The following EYA2 variants were observed in gnomAD, a reference collection of about 807,000 sequenced individuals.
EYA2 encodes protein phosphatase EYA2.
Under a neutral mutation model 69.2 loss-of-function variants are expected in EYA2, and 31 were observed. The observed-to-expected ratio is 0.45, with a 90% confidence interval of 0.34 to 0.60. EYA2 has a LOEUF of 0.60. Ranked by LOEUF, EYA2 falls within the 20% of genes least tolerant of loss-of-function variation. EYA2 has a pLI of 0.02. For missense variants in EYA2, 622 were observed against 701.2 expected (o/e 0.89, Z 1.28); for synonymous variants, 257 against 279.4 (o/e 0.92, Z 0.80).
In EYA2 at chr20:47,026,711, T is replaced by C. The variant is rs114782737; in HGVS notation, c.415+10414T>C. The stretch of plus-strand genomic sequence containing the variant: ...ATGTAAAAGAGAGACATGAGCTAGA[T>C]ATAGGGTTATAGGGAGTGGTGGGAA... On this transcript the variant is annotated intron_variant, in intron 5 of 15. Transcript: ENST00000327619. Among the ~76,000 whole-genome samples, 561 of 152,298 alleles carry C rather than the reference T, an allele frequency of 3.7e-3. 6 individuals carry two copies. Among genetic ancestry groups the C allele is most frequent in the African/African-American group, 0.013 (536 of 41,558 alleles).
chr20:46,923,892 T>A (rs1600547659), intron 1 of EYA2, among the ~76,000 whole-genome samples: 1 of 152,220 alleles, frequency 6.6e-6, no homozygotes, highest in Non-Finnish European at 1.5e-5. Context: ...TGATTTTTTT[T>A]AAATCTCATT....
intron 1 of EYA2, among the ~76,000 whole-genome samples, chr20:46,947,770 C>T (rs1488011048): frequency 6.6e-6 from 1 of 152,068 alleles, no homozygotes; most frequent in Non-Finnish European, 1.5e-5. Flanking sequence ...GAAGTGCAGC[C>T]CTACTGTGGA....
chr20:47,113,863 T>G (rs1046717871), intron 9 of EYA2, among the ~76,000 whole-genome samples: 1 of 151,876 alleles, frequency 6.6e-6, no homozygotes, highest in Non-Finnish European at 1.5e-5. Flanking sequence ...TGGGTTTTTT[T>G]TTTTTGTGGA....
chr20:47,065,581 A>G (rs929172335), intron 5 of EYA2, among the ~76,000 whole-genome samples: 3 of 152,258 alleles, frequency 2.0e-5, no homozygotes, highest in Non-Finnish European at 4.4e-5. Flanking sequence ...GTTTAAAGCA[A>G]TTTAAATTTG....
intron 1 of EYA2, among the ~76,000 whole-genome samples, chr20:46,980,007 G>A (rs1269548864): frequency 6.6e-6 from 1 of 152,164 alleles, no homozygotes; most frequent in Non-Finnish European, 1.5e-5. Context: ...TGAACCCCTG[G>A]AGCAGATAAC....
rs1555809797 is a variant in EYA2, at chr20:46,987,964, C to CTCTCTCTCTCTATATA, written c.-10-2036_-10-2035insCTCTCTCTCTATATAT. Among the ~76,000 whole-genome samples the CTCTCTCTCTCTATATA allele has an allele frequency of 8.9e-4, 10 of 11,274 alleles. 1 individual carries two copies. The highest frequency in any genetic ancestry group is 1.1e-3 in the African/African-American group (4 of 3,636). 7.4% of individuals were successfully genotyped at this position (11,274 alleles called of 152,430 possible). On this transcript the variant is annotated intron_variant, in intron 1 of 15. Transcript: ENST00000327619. ...TCTCTCTCTCTCTCTCTCTCTCTCT[C>CTCTCTCTCTCTATATA]TATATATATATATATATATATATAT...
At chr20:46,996,607 TCTCA>T (rs1364784781) in intron 2 of EYA2, among the ~76,000 whole-genome samples, 2 of 152,166 alleles carry the variant, frequency 1.3e-5, no homozygotes, top group Non-Finnish European at 2.9e-5. Context: ...TTGTCATCCA[TCTCA>T]CTCACTAGAC....
At chr20:47,177,898 C>T (rs1046264568) in intron 12 of EYA2, among the ~76,000 whole-genome samples, 1 of 152,244 alleles carries the variant, frequency 6.6e-6, no homozygotes, top group East Asian at 1.9e-4. Context: ...AACACATCGT[C>T]ACACAGATAC....
chr20:47,087,871 A>G (rs1253841777), intron 7 of EYA2, among the ~76,000 whole-genome samples: 6 of 152,242 alleles, frequency 3.9e-5, no homozygotes, highest in African/African-American at 7.2e-5. Flanking sequence ...TCTCGCCTAT[A>G]TAATCTCATT....
rs2032535558 is a variant in EYA2, at chr20:47,105,038, A to G, written c.888+7870A>G. 2.6e-5 allele frequency among the ~76,000 whole-genome samples: 4 copies of G among 152,206 alleles called. No homozygotes were observed. The South Asian group carries it at 8.3e-4, about 32-fold the overall frequency. On this transcript the variant is annotated intron_variant, in intron 9 of 15. Transcript: ENST00000327619. ...TCTATCTCAAAAATTTTTTTAAAAA[A>G]TCAATTGGCCGTAAATATGTTTATT...
intron 4 of EYA2, among the ~76,000 whole-genome samples, 187 bp downstream of exon 4, chr20:47,005,271 T>G (rs1431499708): frequency 6.6e-6 from 1 of 152,248 alleles, no homozygotes; most frequent in African/African-American, 2.4e-5. Flanking sequence ...TCAAGATCCC[T>G]TTTGATGGCA....
intron 9 of EYA2, among the ~76,000 whole-genome samples, chr20:47,124,187 C>T (rs2033121813): frequency 6.6e-6 from 1 of 152,154 alleles, no homozygotes; most frequent in South Asian, 2.1e-4. Flanking sequence ...TGGTGAGGTC[C>T]TGCTCATTTT....
chr20:47,158,635 A>G (rs1236725289), intron 10 of EYA2, among the ~76,000 whole-genome samples: 1 of 151,988 alleles, frequency 6.6e-6, no homozygotes, highest in African/African-American at 2.4e-5. Flanking sequence ...TGCAAGAAAA[A>G]GGAACCAGAG....
At chr20:46,976,156 T>G (rs147040204) in intron 1 of EYA2, among the ~76,000 whole-genome samples, 18 of 151,948 alleles carry the variant, frequency 1.2e-4, no homozygotes, top group East Asian at 5.8e-4. Context: ...AACCCAGGAG[T>G]TGGAGACCAG....
Position 47,166,393 on chromosome 20 carries a change from T to TTAAAAAAAAAAAA in EYA2, c.979-2746_979-2745insTAAAAAAAAAAAA, listed in dbSNP as rs1555806208. ...GCTTGGGTGACAGAGCAAGACTGTCTAAAAAAAAAAAAAAAAAAAAAAAAA... is the reference window on the plus strand; with the variant it reads ...GCTTGGGTGACAGAGCAAGACTGTCTTAAAAAAAAAAAAAAAAAAAAAAAAAAAAAAAAAAAAA... On this transcript the variant is annotated intron_variant, in intron 10 of 15. Coordinates refer to ENST00000327619, the MANE Select transcript of EYA2 (RefSeq NM_005244.5). 9.3e-4 allele frequency among the ~76,000 whole-genome samples: 32 copies of TTAAAAAAAAAAAA among 34,522 alleles called. 4 individuals are homozygous for TTAAAAAAAAAAAA. Among genetic ancestry groups the TTAAAAAAAAAAAA allele is most frequent in the Admixed American group, 1.9e-3 (4 of 2,070 alleles). 22.6% of individuals were successfully genotyped at this position (34,522 alleles called of 152,430 possible).
chr20:47,011,862 A>C lies in EYA2; in HGVS notation c.299-4319A>C, dbSNP rs74542360. Among the ~76,000 whole-genome samples the C allele has an allele frequency of 2.9e-3, 443 of 152,276 alleles. 4 individuals are homozygous for C. In the Middle Eastern group the frequency reaches 0.061, roughly 21 times the overall value. On this transcript the variant is annotated intron_variant, in intron 4 of 15. Transcript: ENST00000327619. ...GTCCAAAAAATTTAATCATGTTTGG[A>C]GAATTGTGTTAGTGTGAGGTTCATA...
chr20:47,168,261 G>A (rs768126042), intron 10 of EYA2, among the ~76,000 whole-genome samples: 109 of 151,764 alleles, frequency 7.2e-4, no homozygotes, highest in Non-Finnish European at 2.6e-4. Context: ...GCGCGATCTC[G>A]GCTCACTACA....
intron 9 of EYA2, among the ~76,000 whole-genome samples, chr20:47,110,629 G>A (rs947014): frequency 0.31 from 47,167 of 152,076 alleles, 8,207 homozygotes; most frequent in African/African-American, 0.47. Flanking sequence ...CTCTTAGCTC[G>A]TGGAGCACAG....
At chr20:47,039,986 G>A (rs1456896206) in intron 5 of EYA2, among the ~76,000 whole-genome samples, 6 of 151,496 alleles carry the variant, frequency 4.0e-5, no homozygotes, top group Admixed American at 6.6e-5. Flanking sequence ...GATTACAGGC[G>A]CCCGCCACCA....
Sources: allele counts gnomAD v4.1 joint callset (sites outside exome capture counted in the v4.1 genomes callset), GRCh38; gene constraint gnomAD v4.1.1; transcripts MANE v1.5; gene names NCBI Gene and HGNC (gene_info 2026-07-23, HGNC 2026-07-21).